The following SUPT3H variants were observed in gnomAD, a reference collection of about 807,000 sequenced individuals.
The protein encoded by SUPT3H is SPT3 homolog, SAGA and STAGA complex component, also known as transcription initiation protein SPT3 homolog.
SUPT3H carries 44 observed loss-of-function variants against 44.3 expected under a neutral mutation model. The observed-to-expected ratio is 0.99, with a 90% confidence interval of 0.78 to 1.28. The LOEUF is 1.28. Ranked by LOEUF, SUPT3H falls within the 50% of genes most tolerant of loss-of-function variation. The pLI is 0.00. For missense variants in SUPT3H, 380 were observed against 387.1 expected, an observed-to-expected ratio of 0.98 and a Z score of 0.15; for synonymous variants, 124 against 125.6, an observed-to-expected ratio of 0.99 and a Z score of 0.09.
At chr6:44,831,599 C>T (rs1247680961) in intron 10 of SUPT3H, among the ~76,000 whole-genome samples, 1 of 152,176 alleles carries the variant, frequency 6.6e-6, no homozygotes, top group Non-Finnish European at 1.5e-5. Flanking sequence ...ACCACAGTGA[C>T]AATCTTTAAC....
chr6:45,109,855 C>T (rs1270748636), intron 2 of SUPT3H, among the ~76,000 whole-genome samples: 1 of 152,132 alleles, frequency 6.6e-6, no homozygotes, highest in East Asian at 1.9e-4. Context: ...CCTTTGAAGA[C>T]CTATCTCCCA....
chr6:44,851,480 A>G (rs985258929), intron 10 of SUPT3H, among the ~76,000 whole-genome samples: 2 of 152,176 alleles, frequency 1.3e-5, no homozygotes, highest in East Asian at 3.9e-4. Context: ...CTACCAAAAT[A>G]CTCAGTCTCT....
intron 2 of SUPT3H, among the ~76,000 whole-genome samples, chr6:45,153,796 G>A (rs1025056687): frequency 1.6e-4 from 25 of 151,830 alleles, no homozygotes; most frequent in Admixed American, 5.9e-4. Flanking sequence ...GGCCGGGCAC[G>A]GTGGCTCACG....
intron 3 of SUPT3H, among the ~76,000 whole-genome samples, chr6:45,033,593 TA>T (rs1787270817): frequency 2.0e-5 from 3 of 152,208 alleles, no homozygotes; most frequent in Admixed American, 2.0e-4. Flanking sequence ...AAGTTTATTC[TA>T]AAATAATTTC....
chr6:44,893,333 C>T (rs938370685), intron 10 of SUPT3H, among the ~76,000 whole-genome samples: 1 of 152,156 alleles, frequency 6.6e-6, no homozygotes, highest in African/African-American at 2.4e-5. Context: ...CCCACTAACT[C>T]GTCATCTAGC....
At position 44,917,506 on chromosome 6, in the gene SUPT3H, C is replaced by T. The variant is rs552381722; in HGVS notation, c.912+15147G>A. Among the ~76,000 whole-genome samples, 9 of 152,288 alleles carry T rather than the reference C, an allele frequency of 5.9e-5. 1 individual carries two copies. The East Asian group carries it at 1.7e-3, about 29-fold the overall frequency. ...GGTAGTGATTTTCTATTAGCAGCAG[C>T]CCTACATATGCTGCGTCTCTGAACA... On this transcript the variant is annotated intron_variant, in intron 10 of 10. Coordinates refer to ENST00000371459, the MANE Select transcript of SUPT3H (RefSeq NM_003599.4).
intron 10 of SUPT3H, among the ~76,000 whole-genome samples, chr6:44,910,927 A>C (rs1766920443): frequency 7.2e-6 from 1 of 138,852 alleles, no homozygotes; most frequent in African/African-American, 2.7e-5. Flanking sequence ...CCTGGGAGGC[A>C]GAGGTTGCAA....
intron 2 of SUPT3H, among the ~76,000 whole-genome samples, chr6:45,220,436 C>T (rs1208637404): frequency 6.6e-6 from 1 of 151,780 alleles, no homozygotes; most frequent in Non-Finnish European, 1.5e-5. Context: ...GGAAACTTTC[C>T]CAACAACCAA....
chr6:45,143,076 C>G (rs1227560950), intron 2 of SUPT3H, among the ~76,000 whole-genome samples: 2 of 151,936 alleles, frequency 1.3e-5, no homozygotes, highest in Admixed American at 6.6e-5. Context: ...ACTACTAGAC[C>G]TAAGAAATGA....
chr6:44,960,335 G>A (rs1418334226), intron 7 of SUPT3H, among the ~76,000 whole-genome samples: 1 of 148,170 alleles, frequency 6.7e-6, no homozygotes, highest in Non-Finnish European at 1.5e-5. Flanking sequence ...TTGAACCCAG[G>A]AGGAGGAGGA....
chr6:45,126,359 G>T (rs1203846786), intron 2 of SUPT3H, among the ~76,000 whole-genome samples: 2 of 152,150 alleles, frequency 1.3e-5, no homozygotes, highest in Non-Finnish European at 2.9e-5. Flanking sequence ...TTATTTTTAA[G>T]GTTTTAGATG....
chr6:45,359,927 T>G (rs1408822184), intron 2 of SUPT3H, among the ~76,000 whole-genome samples: 5 of 152,132 alleles, frequency 3.3e-5, no homozygotes, highest in African/African-American at 1.2e-4. Flanking sequence ...CCCCTGTAGT[T>G]CCAGCTACTT....
intron 2 of SUPT3H, among the ~76,000 whole-genome samples, chr6:45,184,019 G>A (rs184946925): frequency 3.0e-4 from 45 of 152,222 alleles, no homozygotes; most frequent in African/African-American, 1.0e-3. Context: ...GTGCATACAT[G>A]TCATACATTT....
intron 2 of SUPT3H, among the ~76,000 whole-genome samples, chr6:45,340,565 C>T (rs1789567226): frequency 6.6e-6 from 1 of 152,018 alleles, no homozygotes. Context: ...CTCAAGCGAT[C>T]CTCCCACCTC....
chr6:44,985,417 A>G (rs1779664060), intron 6 of SUPT3H, among the ~76,000 whole-genome samples: 1 of 151,850 alleles, frequency 6.6e-6, no homozygotes, highest in Non-Finnish European at 1.5e-5. Context: ...ATAAAAGAAG[A>G]TATAGAATCT....
chr6:45,371,849 T>C (rs1036390956), intron 1 of SUPT3H: 23 of 983,722 alleles, frequency 2.3e-5, no homozygotes, highest in Non-Finnish European at 2.8e-5. Context: ...GAACTACAGT[T>C]TGAAAATCAC....
At chr6:44,958,156 T>G (rs1306749864) in intron 7 of SUPT3H, among the ~76,000 whole-genome samples, 1 of 152,226 alleles carries the variant, frequency 6.6e-6, no homozygotes. Flanking sequence ...GTTCCTAGGA[T>G]TATTAGCATT....
intron 3 of SUPT3H, among the ~76,000 whole-genome samples, chr6:45,093,643 A>G (rs779713205): frequency 8.5e-5 from 13 of 152,134 alleles, no homozygotes; most frequent in Non-Finnish European, 1.6e-4. Context: ...AAGAACAAAG[A>G]AAGAGGGAGA....
At chr6:45,025,776 G>A (rs1785885713) in intron 3 of SUPT3H, among the ~76,000 whole-genome samples, 1 of 151,884 alleles carries the variant, frequency 6.6e-6, no homozygotes, top group East Asian at 1.9e-4. Flanking sequence ...TCAGCTGCTC[G>A]GGAGGCTGAG....
Sources: allele counts gnomAD v4.1 joint callset (sites outside exome capture counted in the v4.1 genomes callset), GRCh38; gene constraint gnomAD v4.1.1; transcripts MANE v1.5; gene names NCBI Gene and HGNC (gene_info 2026-07-23, HGNC 2026-07-21).